NCOA2: variants seen among roughly 807,000 people sequenced by gnomAD.
NCOA2 encodes the protein nuclear receptor coactivator 2.
In NCOA2, 21 loss-of-function variants were observed where a neutral mutation model predicts 145.1. That is an observed-to-expected ratio of 0.14 (90% CI 0.10 to 0.21). NCOA2 has a LOEUF of 0.21. Ranked by LOEUF, NCOA2 falls within the 10% of genes least tolerant of loss-of-function variation. The pLI, the probability that NCOA2 is intolerant of heterozygous loss-of-function variation, is 1.00. For missense variants in NCOA2, 1,472 were observed against 1,837.6 expected, an observed-to-expected ratio of 0.80 and a Z score of 3.64; for synonymous variants, 619 against 637.5, an observed-to-expected ratio of 0.97 and a Z score of 0.44.
chr8:70,162,910 A>ATTTTTT (rs754512363), intron 8 of NCOA2, 56 bp from the exon 9 acceptor site: 111 of 966,770 alleles, frequency 1.1e-4, no homozygotes, highest in Admixed American at 3.8e-4. Flanking sequence ...TTATGGAAAT[A>ATTTTTT]ATTTTTTTTT....
chr8:70,176,535 C>T (rs1442046966), intron 4 of NCOA2, among the ~76,000 whole-genome samples: 1 of 152,166 alleles, frequency 6.6e-6, no homozygotes, highest in Non-Finnish European at 1.5e-5. Context: ...GGTCTCCAGC[C>T]ACAGGATTGG....
At chr8:70,153,915 G>A (rs1812021984) in intron 11 of NCOA2, among the ~76,000 whole-genome samples, 1 of 152,220 alleles carries the variant, frequency 6.6e-6, no homozygotes, top group African/African-American at 2.4e-5. Flanking sequence ...CCTTGTGAAG[G>A]ACATGAAGGT....
At chr8:70,330,549 T>C (rs1460650227) in intron 1 of NCOA2, among the ~76,000 whole-genome samples, 9 of 145,220 alleles carry the variant, frequency 6.2e-5, no homozygotes, top group Non-Finnish European at 9.0e-5. Flanking sequence ...CCAGCCTGAG[T>C]GACACAGACA....
At chr8:70,307,597 C>G (rs968118649) in intron 1 of NCOA2, among the ~76,000 whole-genome samples, 26 of 152,310 alleles carry the variant, frequency 1.7e-4, no homozygotes, top group African/African-American at 6.3e-4. Flanking sequence ...TTCAGGACTT[C>G]CATTTGTGCT....
chr8:70,341,551 A>C (rs1236151624), intron 1 of NCOA2, among the ~76,000 whole-genome samples: 2 of 152,244 alleles, frequency 1.3e-5, no homozygotes, highest in African/African-American at 4.8e-5. Flanking sequence ...TCCATAACTA[A>C]AGTTGGTAAA....
chr8:70,271,260 CA>C (rs1825023919), intron 2 of NCOA2, among the ~76,000 whole-genome samples: 1 of 151,906 alleles, frequency 6.6e-6, no homozygotes, highest in Non-Finnish European at 1.5e-5. Context: ...TTTGAGTTAA[CA>C]AAAAATAAAA....
intron 1 of NCOA2, among the ~76,000 whole-genome samples, chr8:70,365,612 G>A (rs954835713): frequency 3.3e-5 from 5 of 152,216 alleles, no homozygotes; most frequent in African/African-American, 1.2e-4. Context: ...CTTCTAGAAA[G>A]TTAATGATTA....
At chr8:70,396,632 G>T (rs1421921356) in intron 1 of NCOA2, among the ~76,000 whole-genome samples, 1 of 152,156 alleles carries the variant, frequency 6.6e-6, no homozygotes, top group African/African-American at 2.4e-5. Context: ...ATAATTTCAA[G>T]AATAGTTAAA....
At chr8:70,127,207 G>C (rs945746729) in intron 18 of NCOA2, among the ~76,000 whole-genome samples, 160 bp from the exon 19 acceptor site, 1 of 152,230 alleles carries the variant, frequency 6.6e-6, no homozygotes, top group African/African-American at 2.4e-5. Context: ...AACAACTAGT[G>C]ATTGAGAACA....
intron 2 of NCOA2, among the ~76,000 whole-genome samples, chr8:70,275,411 G>C (rs1474654595): frequency 3.3e-5 from 5 of 151,988 alleles, no homozygotes; most frequent in African/African-American, 1.2e-4. Context: ...ATGTAAATTT[G>C]AATTTTATTT....
At chr8:70,341,673 ATTTAG>A (rs1225870739) in intron 1 of NCOA2, among the ~76,000 whole-genome samples, 1 of 152,220 alleles carries the variant, frequency 6.6e-6, no homozygotes, top group African/African-American at 2.4e-5. Context: ...GACTGCTCTT[ATTTAG>A]TACTTAAAAT....
chr8:70,304,611 G>T (rs908776193), intron 1 of NCOA2, among the ~76,000 whole-genome samples: 10 of 151,808 alleles, frequency 6.6e-5, no homozygotes, highest in Admixed American at 1.3e-4. Context: ...GATTACAGGT[G>T]CCCGCCACCA....
chr8:70,300,227 G>A (rs1220575553), intron 1 of NCOA2, among the ~76,000 whole-genome samples: 1 of 152,054 alleles, frequency 6.6e-6, no homozygotes, highest in East Asian at 1.9e-4. Context: ...ATGAATAACA[G>A]ACACAAGATA....
At chr8:70,364,263 T>C (rs1165940076) in intron 1 of NCOA2, among the ~76,000 whole-genome samples, 3 of 149,042 alleles carry the variant, frequency 2.0e-5, no homozygotes, top group African/African-American at 7.4e-5. Flanking sequence ...AAAAAGGAAA[T>C]GTCATATCTG....
intron 1 of NCOA2, among the ~76,000 whole-genome samples, chr8:70,362,064 T>A (rs1490862273): frequency 6.6e-6 from 1 of 152,242 alleles, no homozygotes; most frequent in African/African-American, 2.4e-5. Context: ...TACAGCTGCA[T>A]TCTTTCAAAG....
At chr8:70,341,658 C>T (rs1212843282) in intron 1 of NCOA2, among the ~76,000 whole-genome samples, 1 of 152,198 alleles carries the variant, frequency 6.6e-6, no homozygotes, top group African/African-American at 2.4e-5. Flanking sequence ...ACAAATATTA[C>T]TCATGACTGC....
At chr8:70,226,870 T>C (rs1305290706) in intron 2 of NCOA2, among the ~76,000 whole-genome samples, 1 of 152,176 alleles carries the variant, frequency 6.6e-6, no homozygotes, top group Non-Finnish European at 1.5e-5. Context: ...AGCTTTCCAG[T>C]AAAGGTTACT....
intron 2 of NCOA2, 135 bp from the exon 3 acceptor site, chr8:70,216,899 T>A: frequency 5.1e-6 from 3 of 589,440 alleles, no homozygotes; most frequent in Non-Finnish European, 6.1e-6. Context: ...TTGTTTTATG[T>A]GCATGTATAA....
chr8:70,442,023 AAAGAG>A, the NCOA2 span, among the ~76,000 whole-genome samples: 10 of 146,818 alleles, frequency 6.8e-5, no homozygotes, highest in Admixed American at 5.3e-4. Flanking sequence ...GGAAAGAAAG[AAAGAG>A]AAAAGAAAGA....
Sources: gnomAD v4.1 joint callset for allele counts (sites outside exome capture counted in the v4.1 genomes callset) on GRCh38, gnomAD v4.1.1 for gene constraint, MANE v1.5 for transcripts, NCBI Gene and HGNC (gene_info 2026-07-23, HGNC 2026-07-21) for gene names.